DLST: variants seen among roughly 807,000 people sequenced by gnomAD.
DLST encodes the protein dihydrolipoyllysine-residue succinyltransferase component of 2-oxoglutarate dehydrogenase complex, mitochondrial.
In DLST, 17 loss-of-function variants were observed where a neutral mutation model predicts 53.1. The ratio of observed to expected loss-of-function variants is 0.32; its 90% CI spans 0.22 to 0.48. The LOEUF (loss-of-function observed/expected upper bound fraction) is 0.48, where lower values mean the gene tolerates loss of function less well. Ranked by LOEUF, DLST falls within the 20% of genes least tolerant of loss-of-function variation. The pLI is 0.99. For missense variants in DLST, 512 were observed against 583.9 expected, an observed-to-expected ratio of 0.88 and a Z score of 1.27; for synonymous variants, 206 against 204.8, an observed-to-expected ratio of 1.01 and a Z score of -0.05.
At position 74,891,127 on chromosome 14, in the gene DLST, C is replaced by G. The variant is rs774240374; in HGVS notation, c.402C>G (p.Val134=). The part of the protein sequence containing the change: ...EALLVPDGGK[V]EGGTPLFTLR... ...TTTTGGTACCTGATGGGGGAAAAGT[C>G]GAAGGAGGCACTCCACTTTTCACAC... Residue 134 remains valine, a synonymous_variant, in exon 7 of 15, where the codon GTC becomes GTG. Transcript: ENST00000334220. 1.9e-6 allele frequency: 3 copies of G among 1,613,938 alleles called. No individual in the cohort carries two copies. In the East Asian group the frequency reaches 6.7e-5, roughly 36 times the overall value.
chr14:74,898,898 A>AG (rs1884156504), intron 11 of DLST, among the ~76,000 whole-genome samples: 1 of 152,192 alleles, frequency 6.6e-6, no homozygotes, highest in South Asian at 2.1e-4. Flanking sequence ...CTTTGATCTT[A>AG]GGTCGATGGG....
chr14:74,887,535 T>A (rs1279652921), intron 3 of DLST, among the ~76,000 whole-genome samples: 1 of 152,256 alleles, frequency 6.6e-6, no homozygotes, highest in Non-Finnish European at 1.5e-5. Flanking sequence ...ATTTAATAAA[T>A]CTTTTATTGT....
chr14:74,886,015 C>T (rs994152643), intron 3 of DLST: 1 of 176,254 alleles, frequency 5.7e-6, no homozygotes, highest in Non-Finnish European at 1.2e-5. Context: ...AGCATAGTTA[C>T]TCATTTTTAA....
chr14:74,889,126 T>G lies in DLST; in HGVS notation c.178T>G (p.Phe60Val), dbSNP rs775260019. 1.2e-6 allele frequency: 2 copies of G among 1,614,250 alleles called. No homozygotes were observed. The highest frequency in any genetic ancestry group is 8.5e-7 in the Non-Finnish European group (1 of 1,180,046). The change falls in exon 4 of 15, where the codon TTC (phenylalanine) becomes GTC (valine). Residue 60 changes from phenylalanine (F) to valine (V), a missense_variant. Physicochemically the swap from Phe to Val is conservative, Grantham distance 50. This residue lies in a region of DLST where 129 missense variants were observed against 90.9 expected (regional missense o/e 1.42). Transcript: ENST00000334220. ...INNSVFSVRF[F>V]RTTAVCKDDL... ...CAACAGTGTCTTCAGTGTTCGCTTT[T>G]TCAGAACTACAGCTGTATGCAGTAA...
rs1021384202 is a variant in DLST, at chr14:74,881,963, C to G, written c.10C>G (p.Arg4Gly). MLSRSRCVSRAFSR... is the reference protein window; with the variant it reads MLSGSRCVSRAFSR... The stretch of plus-strand genomic sequence containing the variant: ...CGGCTCCTCCGCCGTGATGCTGTCC[C>G]GATCCCGCTGTGTGTCTCGGGCGTT... The change falls in exon 1 of 15, where the codon CGA becomes GGA. Residue 4 changes from arginine to glycine, a missense_variant. Physicochemically the swap from Arg to Gly is moderately radical, Grantham distance 125. Transcript: ENST00000334220. 3.6e-5 allele frequency: 57 copies of G among 1,566,574 alleles called. No individual in the cohort carries two copies. In the African/African-American group the frequency reaches 3.8e-4, roughly 11 times the overall value.
rs1196094100 is a variant in DLST at position 74,901,066 on chromosome 14, G to T, written c.1060G>T (p.Ala354Ser). The change falls in exon 14 of 15, where the codon GCC becomes TCC. Residue 354 changes from alanine to serine, a missense_variant and splice_region_variant. Around this residue, in one of 4 missense-constraint regions of DLST, gnomAD observed 186 missense variants for 260.4 expected, o/e 0.71. Transcript: ENST00000334220. ...TTTCAATTATGAAATCTGTTTTTAG[G>T]CCCGAAAGAATGAACTTGCCATTGA... ...ERTITELGEK[A>S]RKNELAIEDM... The T allele has an allele frequency of 6.2e-7, 1 of 1,613,534 alleles. No homozygotes were observed. Among genetic ancestry groups the T allele is most frequent in the Non-Finnish European group, 8.5e-7 (1 of 1,179,826 alleles).
At chr14:74,889,818 TACCTGCC>T in intron 5 of DLST, 72 bp from the exon 6 acceptor site, 1 of 1,437,422 alleles carries the variant, frequency 7.0e-7, no homozygotes, top group Non-Finnish European at 9.8e-7. Context: ...TCTTATAACA[TACCTGCC>T]AAAATGGGTT....
intron 6 of DLST, among the ~76,000 whole-genome samples, chr14:74,890,562 A>C (rs1341567800): frequency 6.6e-6 from 1 of 152,144 alleles, no homozygotes; most frequent in Non-Finnish European, 1.5e-5. Context: ...TATTAACTGA[A>C]TATTGCCTGA....
At position 74,891,134 on chromosome 14, in the gene DLST, G is replaced by T. The variant is rs772357960; in HGVS notation, c.409G>T (p.Gly137Cys). The T allele has an allele frequency of 1.1e-5, 17 of 1,614,062 alleles. No homozygotes were observed. The Admixed American group carries it at 2.0e-4, about 19-fold the overall frequency. The change falls in exon 7 of 15, where the codon GGC (glycine) becomes TGC (cysteine). Residue 137 changes from glycine to cysteine, a missense_variant. Physicochemically the swap from Gly to Cys is radical, Grantham distance 159 (BLOSUM62 -3). Around this residue, in one of 4 missense-constraint regions of DLST, gnomAD observed 162 missense variants for 162.0 expected, o/e 1.00. Transcript: ENST00000334220. Reference protein sequence around the residue: ...LVPDGGKVEGGTPLFTLRKTG... With the variant: ...LVPDGGKVEGCTPLFTLRKTG... ...ACCTGATGGGGGAAAAGTCGAAGGAGGCACTCCACTTTTCACACTCAGGAA... is the reference window on the plus strand; with the variant it reads ...ACCTGATGGGGGAAAAGTCGAAGGATGCACTCCACTTTTCACACTCAGGAA...
At chr14:74,900,194 CTAGGGAGGGCA>C in intron 12 of DLST, 84 bp from the exon 13 acceptor site, 1 of 1,221,158 alleles carries the variant, frequency 8.2e-7, no homozygotes, top group South Asian at 1.2e-5. Flanking sequence ...TGAAGGTATT[CTAGGGAGGGCA>C]TACCATGGGT....
chr14:74,894,474 C>G (rs2070599), intron 10 of DLST, 65 bp downstream of exon 10: 854,206 of 1,513,000 alleles, frequency 0.56, 246,946 homozygotes, highest in African/African-American at 0.87. Context: ...ACTTGCCCCA[C>G]TCCTTATCTA....
In DLST at chr14:74,892,961, C is replaced by G; in HGVS notation, c.570C>G (p.Pro190=). ...CTCAGATGCCACCGGTGCCCTCGCC[C>G]TCACAGCCTCCTTCTGGCAAACCTG... ...IPTQMPPVPS[P]SQPPSGKPVS... The change falls in exon 8 of 15, where the codon CCC becomes CCG. Residue 190 remains proline, a synonymous_variant. Transcript: ENST00000334220. The G allele has an allele frequency of 6.2e-7, 1 of 1,613,290 alleles. No individual in the cohort carries two copies. Among genetic ancestry groups the G allele is most frequent in the Non-Finnish European group, 8.5e-7 (1 of 1,179,752 alleles).
At chr14:74,888,853 TG>T (rs1456572681) in intron 3 of DLST, among the ~76,000 whole-genome samples, 1 of 152,184 alleles carries the variant, frequency 6.6e-6, no homozygotes, top group African/African-American at 2.4e-5. Flanking sequence ...TGAGCATACT[TG>T]GGGAGCTCAC....
At chr14:74,899,105 C>G (rs981710094) in intron 11 of DLST, among the ~76,000 whole-genome samples, 7 of 152,172 alleles carry the variant, frequency 4.6e-5, no homozygotes, top group South Asian at 2.1e-4. Context: ...CCCTAAAGGT[C>G]TAGAAGTAGA....
chr14:74,881,926 T>C lies in DLST; in HGVS notation c.-28T>C. ...TTGTTGTCCGGCCCTATATCCGGTG[T>C]CCGCCCGCCCTCGGCTCCTCCGCCG... On this transcript the variant is annotated 5_prime_UTR_variant, in exon 1 of 15. Coordinates refer to ENST00000334220, the MANE Select transcript of DLST (RefSeq NM_001933.5). 2 of 1,520,690 alleles carry C rather than the reference T, an allele frequency of 1.3e-6. No individual in the cohort carries two copies. Among genetic ancestry groups the C allele is most frequent in the Non-Finnish European group, 1.8e-6 (2 of 1,139,918 alleles). 94.2% of individuals were successfully genotyped at this position (1,520,690 alleles called of 1,614,324 possible).
intron 6 of DLST, 136 bp downstream of exon 6, chr14:74,890,088 G>C: frequency 3.1e-6 from 1 of 320,966 alleles, no homozygotes. Flanking sequence ...TATTGGATTT[G>C]TTCAATTTAA....
chr14:74,890,936 C>G, intron 6 of DLST, 120 bp from the exon 7 acceptor site: 1 of 1,351,262 alleles, frequency 7.4e-7, no homozygotes, highest in Non-Finnish European at 9.8e-7. Context: ...CCTTGGCATC[C>G]CAATATGCTG....
chr14:74,895,758 G>A (rs937110242), intron 10 of DLST, among the ~76,000 whole-genome samples: 2 of 152,118 alleles, frequency 1.3e-5, no homozygotes, highest in Non-Finnish European at 2.9e-5. Context: ...AAATTACCCA[G>A]GCATGGTGGC....
rs754106043 is a variant in DLST, at chr14:74,893,407, C to G, written c.655C>G (p.Leu219Val). 6.2e-7 allele frequency: 1 copy of G among 1,614,226 alleles called. No individual in the cohort carries two copies. Among genetic ancestry groups the G allele is most frequent in the East Asian group, 2.2e-5 (1 of 44,888 alleles). ...PLAEPGAGKGLRSEHREKMNR... is the reference protein window; with the variant it reads ...PLAEPGAGKGVRSEHREKMNR... ...AGCTGAGCCAGGAGCTGGCAAAGGT[C>G]TGCGTTCAGAACATCGGGTAAGCCT... Residue 219 changes from leucine (L) to valine (V), a missense_variant, in exon 9 of 15, where the codon CTG (leucine) becomes GTG (valine). Coordinates refer to ENST00000334220, the MANE Select transcript of DLST (RefSeq NM_001933.5).
Sources: gnomAD v4.1 joint callset for allele counts (sites outside exome capture counted in the v4.1 genomes callset) on GRCh38, gnomAD v4.1.1 for gene constraint, gnomAD v4.1.1 regional missense constraint, MANE v1.5 for transcripts, NCBI Gene and HGNC (gene_info 2026-07-23, HGNC 2026-07-21) for gene names.